Variants in NAV2 observed in about 807,000 individuals in gnomAD.
NAV2 encodes helicase, APC down-regulated 1.
NAV2 carries 54 observed loss-of-function variants against 223.2 expected under a neutral mutation model. The observed-to-expected ratio is 0.24, with a 90% CI of 0.19 to 0.30. NAV2 has a LOEUF of 0.30. Ranked by LOEUF, NAV2 falls within the 10% of genes least tolerant of loss-of-function variation. NAV2 has a pLI of 1.00. For synonymous variants in NAV2, 1,279 were observed against 1,239.3 expected (o/e 1.03, Z -0.67); for missense variants, 2,806 against 3,147.5 (o/e 0.89, Z 2.60).
intron 1 of NAV2, among the ~76,000 whole-genome samples, chr11:19,789,922 T>G (rs1401866212): frequency 1.3e-5 from 2 of 152,218 alleles, no homozygotes; most frequent in African/African-American, 4.8e-5. Context: ...CTGATTACCC[T>G]TCTCATGGCT....
intron 10 of NAV2, among the ~76,000 whole-genome samples, chr11:19,963,779 G>A (rs189806343): frequency 2.6e-5 from 4 of 152,300 alleles, no homozygotes; most frequent in East Asian, 1.9e-4. Flanking sequence ...GTGAATGGGG[G>A]CAAAACTGGT....
chr11:19,377,103 C>T (rs79825913), intron 1 of NAV2, among the ~76,000 whole-genome samples: 3,665 of 152,214 alleles, frequency 0.024, 46 homozygotes, highest in Middle Eastern at 0.082. Flanking sequence ...GTTCTGGCTC[C>T]CAGCAATCTC....
intron 1 of NAV2, among the ~76,000 whole-genome samples, chr11:19,732,691 C>T (rs2051910466): frequency 6.6e-6 from 1 of 152,170 alleles, no homozygotes; most frequent in Non-Finnish European, 1.5e-5. Context: ...TTGGACAATT[C>T]CCTGGGGACT....
intron 1 of NAV2, among the ~76,000 whole-genome samples, chr11:19,725,828 T>C (rs1388983412): frequency 1.3e-5 from 2 of 152,254 alleles, no homozygotes; most frequent in East Asian, 3.8e-4. Flanking sequence ...AGTTTTCCAT[T>C]CCAAAGAACT....
chr11:19,377,692 C>A (rs2702733), intron 1 of NAV2, among the ~76,000 whole-genome samples: 54,073 of 151,616 alleles, frequency 0.36, 9,676 homozygotes, highest in East Asian at 0.49. Context: ...TATTCAGAAT[C>A]AAATACGTTC....
intron 1 of NAV2, among the ~76,000 whole-genome samples, chr11:19,654,870 C>T (rs191501057): frequency 6.6e-6 from 1 of 152,340 alleles, no homozygotes; most frequent in African/African-American, 2.4e-5. Flanking sequence ...GCAATGACAA[C>T]AGAAGCCAAA....
At chr11:19,519,490 C>T (rs911682839) in intron 1 of NAV2, among the ~76,000 whole-genome samples, 7 of 152,172 alleles carry the variant, frequency 4.6e-5, no homozygotes, top group South Asian at 4.2e-4. Context: ...CCACAGAGCT[C>T]GGAGACGGTA....
intron 1 of NAV2, among the ~76,000 whole-genome samples, chr11:19,720,591 C>G (rs2050674235): frequency 6.6e-6 from 1 of 152,236 alleles, no homozygotes; most frequent in South Asian, 2.1e-4. Context: ...TGTGATCCCA[C>G]TTTCAGCGGT....
intron 7 of NAV2, among the ~76,000 whole-genome samples, chr11:19,936,158 C>T (rs1180745223): frequency 6.6e-6 from 1 of 151,780 alleles, no homozygotes; most frequent in Admixed American, 6.6e-5. Flanking sequence ...CATGAGCCAC[C>T]GCGCCCAGCC....
chr11:19,545,328 G>C (rs529895997), intron 1 of NAV2, among the ~76,000 whole-genome samples: 1 of 152,320 alleles, frequency 6.6e-6, no homozygotes, highest in South Asian at 2.1e-4. Context: ...TGACATGTGT[G>C]CTCTCTGTCT....
intron 1 of NAV2, among the ~76,000 whole-genome samples, chr11:19,624,806 C>G (rs1389986066): frequency 6.6e-6 from 1 of 152,238 alleles, no homozygotes; most frequent in Non-Finnish European, 1.5e-5. Flanking sequence ...AACCCGGTAC[C>G]TCAGTTGGAA....
At chr11:19,874,421 A>G (rs2062719801) in intron 4 of NAV2, among the ~76,000 whole-genome samples, 1 of 152,208 alleles carries the variant, frequency 6.6e-6, no homozygotes, top group Non-Finnish European at 1.5e-5. Context: ...AGTTCTCTCT[A>G]CATCTACATG....
intron 5 of NAV2, among the ~76,000 whole-genome samples, chr11:19,883,831 C>G (rs955927109): frequency 2.6e-5 from 4 of 152,122 alleles, no homozygotes; most frequent in African/African-American, 7.2e-5. Context: ...ATCCCCAAGG[C>G]CAGCAACATC....
chr11:19,907,307 T>G (rs892974141), intron 6 of NAV2, among the ~76,000 whole-genome samples: 1 of 152,150 alleles, frequency 6.6e-6, no homozygotes, highest in South Asian at 2.1e-4. Context: ...TGTAGCCGCC[T>G]CTTCTTGCTC....
intron 1 of NAV2, among the ~76,000 whole-genome samples, chr11:19,731,761 C>G (rs575756420): frequency 3.9e-5 from 6 of 152,336 alleles, no homozygotes; most frequent in African/African-American, 1.4e-4. Flanking sequence ...AAAGTGGGAA[C>G]AATTTTCCTT....
rs1168811336 is a variant in NAV2 at position 19,555,286 on chromosome 11, G to T, written c.75+204259G>T. Among the ~76,000 whole-genome samples the T allele has an allele frequency of 2.0e-5, 3 of 152,338 alleles. No individual in the cohort carries two copies. In the East Asian group the frequency reaches 5.8e-4, roughly 29 times the overall value. ...CCCCAGGTAGGTCTGGGGCTGGGAAGAGCTGCAGAGTGATCCCCACTGGGG... is the reference window on the plus strand; with the variant it reads ...CCCCAGGTAGGTCTGGGGCTGGGAATAGCTGCAGAGTGATCCCCACTGGGG... On this transcript the variant is annotated intron_variant, in intron 1 of 37. Transcript: ENST00000360655.
chr11:19,978,104 C>A (rs550998193), intron 10 of NAV2, among the ~76,000 whole-genome samples: 4 of 151,858 alleles, frequency 2.6e-5, no homozygotes, highest in Non-Finnish European at 5.9e-5. Flanking sequence ...GGACTACAGG[C>A]GTGAGCCACC....
At chr11:19,529,702 G>T (rs1393291101) in intron 1 of NAV2, among the ~76,000 whole-genome samples, 2 of 152,292 alleles carry the variant, frequency 1.3e-5, no homozygotes, top group African/African-American at 4.8e-5. Context: ...GATGTGGGGT[G>T]GAAGTTGCTG....
In NAV2 at chr11:19,428,126, C is replaced by T. The variant is rs568630525; in HGVS notation, c.75+77099C>T. On this transcript the variant is annotated intron_variant, in intron 1 of 37. Transcript: ENST00000360655. ...GCTATTATAATGGGTTTTACAAATA[C>T]GTTTAAATCTTTGAGATCTTTCATG... 6.6e-5 allele frequency among the ~76,000 whole-genome samples: 10 copies of T among 152,170 alleles called. No individual in the cohort carries two copies. The East Asian group carries it at 9.7e-4, about 15-fold the overall frequency.
Sources: allele counts gnomAD v4.1 joint callset (sites outside exome capture counted in the v4.1 genomes callset), GRCh38; gene constraint gnomAD v4.1.1; transcripts MANE v1.5; gene names NCBI Gene and HGNC (gene_info 2026-07-23, HGNC 2026-07-21).